AK7: variants seen among roughly 807,000 people sequenced by gnomAD.
AK7 encodes the protein adenylate kinase 7, also known as ATP-AMP transphosphorylase 7.
AK7 carries 78 observed loss-of-function variants against 96.6 expected under a neutral mutation model. The ratio of observed to expected loss-of-function variants is 0.81; its 90% CI spans 0.67 to 0.97. The LOEUF (loss-of-function observed/expected upper bound fraction) is 0.97, where lower values mean the gene tolerates loss of function less well. AK7 is among the 50% of genes least tolerant of loss of function. The pLI, the probability that AK7 is intolerant of heterozygous loss-of-function variation, is 0.00. For missense variants in AK7, 855 were observed against 887.9 expected, an observed-to-expected ratio of 0.96 and a Z score of 0.47; for synonymous variants, 302 against 317.2, an observed-to-expected ratio of 0.95 and a Z score of 0.51.
At chr14:96,446,832 C>T (rs1164114934) in intron 8 of AK7, among the ~76,000 whole-genome samples, 1 of 151,850 alleles carries the variant, frequency 6.6e-6, no homozygotes. Flanking sequence ...CTCAGCTACT[C>T]GGGAGGCTGA....
At chr14:96,422,636 T>C (rs1244991841) in intron 5 of AK7, among the ~76,000 whole-genome samples, 1 of 152,186 alleles carries the variant, frequency 6.6e-6, no homozygotes, top group Non-Finnish European at 1.5e-5. Flanking sequence ...ATTCATAGGC[T>C]CTCTGCAGGG....
intron 4 of AK7, among the ~76,000 whole-genome samples, chr14:96,409,300 C>T (rs1180228787): frequency 1.3e-5 from 2 of 152,176 alleles, no homozygotes; most frequent in East Asian, 3.9e-4. Context: ...AGGCTGGGTG[C>T]GATGGCTCAT....
At chr14:96,401,182 T>G (rs898244915) in intron 2 of AK7, among the ~76,000 whole-genome samples, 3 of 152,204 alleles carry the variant, frequency 2.0e-5, no homozygotes, top group Non-Finnish European at 4.4e-5. Flanking sequence ...CAGATGAACG[T>G]GGAGCTCACG....
chr14:96,487,493 G>A (rs553297031), intron 17 of AK7, among the ~76,000 whole-genome samples: 49 of 140,414 alleles, frequency 3.5e-4, no homozygotes, highest in South Asian at 3.1e-3. Flanking sequence ...GCAGTGGCAC[G>A]TTCTCGGCTC....
At chr14:96,470,881 C>T (rs953471901) in intron 12 of AK7, among the ~76,000 whole-genome samples, 1 of 152,166 alleles carries the variant, frequency 6.6e-6, no homozygotes, top group Non-Finnish European at 1.5e-5. Context: ...CTCTGCATTA[C>T]TCCAGTTGCT....
intron 12 of AK7, among the ~76,000 whole-genome samples, chr14:96,464,097 T>C (rs1375038695): frequency 6.6e-6 from 1 of 152,108 alleles, no homozygotes; most frequent in East Asian, 1.9e-4. Context: ...TATTAGAGAC[T>C]ACTCTATTAC....
At chr14:96,445,608 C>T (rs540894122) in intron 7 of AK7, among the ~76,000 whole-genome samples, 4 of 151,860 alleles carry the variant, frequency 2.6e-5, no homozygotes, top group South Asian at 4.2e-4. Context: ...TGCAGTGAAC[C>T]GTGATAACAC....
chr14:96,445,205 T>C (rs1020639211), intron 7 of AK7, among the ~76,000 whole-genome samples: 3 of 152,260 alleles, frequency 2.0e-5, no homozygotes, highest in Non-Finnish European at 2.9e-5. Context: ...TGCCTGATTC[T>C]AGAATCACAA....
At chr14:96,432,673 G>A (rs558539628) in intron 5 of AK7, among the ~76,000 whole-genome samples, 2 of 151,974 alleles carry the variant, frequency 1.3e-5, no homozygotes, top group East Asian at 1.9e-4. Flanking sequence ...GAAATTCTGG[G>A]TTGAAAATTC....
intron 12 of AK7, among the ~76,000 whole-genome samples, chr14:96,465,995 G>A (rs535240365): frequency 4.3e-4 from 56 of 129,782 alleles, no homozygotes; most frequent in African/African-American, 1.6e-3. Flanking sequence ...GGGCGATAGA[G>A]CAAGACTCCA....
At chr14:96,483,597 T>C (rs1895625090) in intron 16 of AK7, among the ~76,000 whole-genome samples, 1 of 151,966 alleles carries the variant, frequency 6.6e-6, no homozygotes, top group Non-Finnish European at 1.5e-5. Flanking sequence ...CATTTTTCTG[T>C]TTTTAGTAGA....
chr14:96,402,293 A>G (rs1890461717), intron 2 of AK7, among the ~76,000 whole-genome samples: 1 of 151,990 alleles, frequency 6.6e-6, no homozygotes, highest in Non-Finnish European at 1.5e-5. Context: ...AGGGCCCACA[A>G]ATGTTTGTTG....
In AK7 at chr14:96,399,621, G is replaced by T. The variant is rs1377903494; in HGVS notation, c.294+1358G>T. 6.6e-6 allele frequency among the ~76,000 whole-genome samples: 1 copy of T among 152,134 alleles called. No individual in the cohort carries two copies. The highest frequency in any genetic ancestry group is 6.5e-5 in the Admixed American group (1 of 15,274). On this transcript the variant is annotated intron_variant, in intron 2 of 17. Coordinates refer to ENST00000267584, the MANE Select transcript of AK7 (RefSeq NM_152327.5). The surrounding 1 kb of genome is among the most constrained non-coding windows in gnomAD (Gnocchi z 4.1). ...CTGCCCACAACACTTCACAGGAGGT[G>T]CCCTGGCCGATGTCACCAGCAGTCC...
intron 2 of AK7, among the ~76,000 whole-genome samples, chr14:96,403,291 C>T (rs187245661): frequency 8.6e-5 from 13 of 151,610 alleles, no homozygotes; most frequent in East Asian, 7.8e-4. Flanking sequence ...ATATACAAGA[C>T]GAGGAACAGA....
chr14:96,437,017 G>C (rs1892674772), intron 5 of AK7, among the ~76,000 whole-genome samples: 1 of 143,146 alleles, frequency 7.0e-6, no homozygotes, highest in African/African-American at 2.6e-5. Context: ...ATGGTATTTT[G>C]AGCTTATCTG....
At chr14:96,457,943 C>T in intron 11 of AK7, 140 bp from the exon 12 acceptor site, 2 of 1,167,992 alleles carry the variant, frequency 1.7e-6, no homozygotes, top group Non-Finnish European at 2.4e-6. Context: ...GTGCATCCTG[C>T]AAAATTTTGC....
intron 4 of AK7, among the ~76,000 whole-genome samples, chr14:96,413,161 G>C (rs1169743570): frequency 2.0e-5 from 3 of 152,172 alleles, no homozygotes; most frequent in Non-Finnish European, 2.9e-5. Context: ...TGATGCTACA[G>C]AGCCAAGATC....
chr14:96,429,660 C>T (rs1025476206), intron 5 of AK7, among the ~76,000 whole-genome samples: 2 of 152,128 alleles, frequency 1.3e-5, no homozygotes, highest in African/African-American at 4.8e-5. Context: ...TGTAGTTCTC[C>T]TTGAAGAAGT....
At chr14:96,467,430 G>C (rs1163900771) in intron 12 of AK7, among the ~76,000 whole-genome samples, 1 of 151,722 alleles carries the variant, frequency 6.6e-6, no homozygotes, top group Non-Finnish European at 1.5e-5. Context: ...CTGCTTCCCA[G>C]GTTCAGGCAA....
Sources: allele counts gnomAD v4.1 joint callset (sites outside exome capture counted in the v4.1 genomes callset), GRCh38; gene constraint gnomAD v4.1.1; non-coding constraint Gnocchi (gnomAD v3.1); transcripts MANE v1.5; gene names NCBI Gene and HGNC (gene_info 2026-07-23, HGNC 2026-07-21).